The following KHDC1 variants were observed in gnomAD, a reference collection of about 807,000 sequenced individuals.
KHDC1 encodes the protein KH domain containing 1.
KHDC1 carries 21 observed loss-of-function variants against 24.7 expected under a neutral mutation model. The ratio of observed to expected loss-of-function variants is 0.85; its 90% CI spans 0.60 to 1.23. KHDC1 has a LOEUF of 1.23. Ranked by LOEUF, KHDC1 falls within the 50% of genes most tolerant of loss-of-function variation. The probability of loss-of-function intolerance (pLI) is 0.00; values close to 1 mark genes in which losing one functional copy is unlikely to be tolerated. For synonymous variants in KHDC1, 98 were observed against 111.7 expected, an observed-to-expected ratio of 0.88 and a Z score of 0.77; for missense variants, 274 against 298.5, an observed-to-expected ratio of 0.92 and a Z score of 0.61.
chr6:73,294,104 C>T (rs1324354885), intron 1 of KHDC1, among the ~76,000 whole-genome samples: 3 of 150,554 alleles, frequency 2.0e-5, no homozygotes. Flanking sequence ...GGCAACAGAG[C>T]AAGACTGTCT....
chr6:73,263,778 C>T (rs889280081), intron 2 of KHDC1, among the ~76,000 whole-genome samples: 3 of 152,180 alleles, frequency 2.0e-5, no homozygotes, highest in Admixed American at 2.0e-4. Context: ...TTGCTTCCTG[C>T]GGATTCCATT....
intron 2 of KHDC1, among the ~76,000 whole-genome samples, chr6:73,257,415 A>G (rs1214112862): frequency 6.6e-6 from 1 of 152,142 alleles, no homozygotes; most frequent in Non-Finnish European, 1.5e-5. Flanking sequence ...TTGTTTGTTT[A>G]TTTGTTTTGA....
chr6:73,283,958 A>G (rs1767467116), intron 2 of KHDC1, among the ~76,000 whole-genome samples: 1 of 151,860 alleles, frequency 6.6e-6, no homozygotes. Context: ...CTTTGCAAAG[A>G]TTATGACACC....
At chr6:73,283,641 C>CTTTTT (rs35786607) in intron 2 of KHDC1, among the ~76,000 whole-genome samples, 1 of 134,110 alleles carries the variant, frequency 7.5e-6, no homozygotes, top group Non-Finnish European at 1.6e-5. Context: ...GGTTTTCATT[C>CTTTTT]TTTTTTTTTT....
Position 73,262,760 on chromosome 6 carries a change from A to T in KHDC1, c.207-20230T>A. The T allele has an allele frequency of 1.0e-6, 1 of 985,480 alleles. No homozygotes were observed. Among genetic ancestry groups the T allele is most frequent in the Non-Finnish European group, 1.2e-6 (1 of 829,932 alleles). The allele number at this position is 985,480 out of a possible 1,614,324, so 61.0% of individuals were successfully genotyped here. A position where few individuals can be genotyped will look rare whatever the true frequency, so the allele number is the denominator to read the frequency against. On this transcript the variant is annotated intron_variant, in intron 2 of 4. Coordinates refer to ENST00000370384, the Ensembl canonical transcript of KHDC1. ...ACTTAGTAAGAAATGTGCAAGATCT[A>T]GATGAAGACCCACCAGATAGGATGC...
chr6:73,256,239 A>C (rs1766878166), intron 2 of KHDC1, among the ~76,000 whole-genome samples: 2 of 152,218 alleles, frequency 1.3e-5, no homozygotes, highest in Admixed American at 1.3e-4. Flanking sequence ...CTTAGTGCCT[A>C]CTATTCGGCA....
At chr6:73,295,626 A>T (rs192317377) in intron 1 of KHDC1, among the ~76,000 whole-genome samples, 27 of 152,004 alleles carry the variant, frequency 1.8e-4, no homozygotes, top group African/African-American at 6.5e-4. Context: ...CGGGCGGATT[A>T]CCTGAGGTCA....
chr6:73,271,111 C>T (rs1252076197), intron 2 of KHDC1, among the ~76,000 whole-genome samples: 1 of 152,114 alleles, frequency 6.6e-6, no homozygotes, highest in Non-Finnish European at 1.5e-5. Flanking sequence ...CTTAGTCGGT[C>T]ACAATCAATA....
intron 2 of KHDC1, among the ~76,000 whole-genome samples, chr6:73,280,065 T>C (rs1333185831): frequency 6.6e-6 from 1 of 152,222 alleles, no homozygotes; most frequent in Non-Finnish European, 1.5e-5. Context: ...GTTAGAGAAA[T>C]GTGATAGCCA....
chr6:73,267,493 AAAAAG>A (rs1417908833), intron 2 of KHDC1, among the ~76,000 whole-genome samples: 8 of 152,296 alleles, frequency 5.3e-5, no homozygotes, highest in African/African-American at 7.2e-5. Context: ...AAAAAAAAGA[AAAAAG>A]AAAAGAAAAA....
At chr6:73,263,346 G>A (rs1767022528) in intron 2 of KHDC1, 150 bp from the exon 1 acceptor site, 2 of 921,380 alleles carry the variant, frequency 2.2e-6, no homozygotes, top group African/African-American at 3.6e-5. Flanking sequence ...GCAAGGGTGG[G>A]AGGAGGGACG....
chr6:73,287,109 T>C (rs1316421246), intron 2 of KHDC1, among the ~76,000 whole-genome samples: 2 of 151,932 alleles, frequency 1.3e-5, no homozygotes, highest in Non-Finnish European at 2.9e-5. Flanking sequence ...AGTTGGAAAA[T>C]CCACAAGAGG....
At chr6:73,259,279 G>GTTTTTT (rs1214004322) in intron 2 of KHDC1, among the ~76,000 whole-genome samples, 2 of 107,496 alleles carry the variant, frequency 1.9e-5, no homozygotes, top group African/African-American at 8.8e-5. Flanking sequence ...AATCCAATAT[G>GTTTTTT]CTTTTTTTTT....
chr6:73,300,891 ATGAAT>A (rs1767862326), intron 1 of KHDC1: 1 of 152,206 alleles, frequency 6.6e-6, no homozygotes, highest in East Asian at 1.9e-4. Context: ...TACGTGTCCA[ATGAAT>A]TCAAACAAAA....
intron 2 of KHDC1, among the ~76,000 whole-genome samples, chr6:73,288,294 A>T (rs1271716388): frequency 6.6e-6 from 1 of 152,202 alleles, no homozygotes; most frequent in Non-Finnish European, 1.5e-5. Flanking sequence ...AGAAGTAAGT[A>T]TTCTCTTCCA....
chr6:73,272,536 G>A (rs570266682), intron 2 of KHDC1, among the ~76,000 whole-genome samples: 1 of 152,130 alleles, frequency 6.6e-6, no homozygotes, highest in African/African-American at 2.4e-5. Context: ...AGCGCTTTGG[G>A]AGGCTGAGGT....
intron 1 of KHDC1, among the ~76,000 whole-genome samples, chr6:73,298,821 T>G (rs1767811309): frequency 6.6e-6 from 1 of 152,100 alleles, no homozygotes; most frequent in Non-Finnish European, 1.5e-5. Flanking sequence ...CACTGCAGCC[T>G]CCAACTACTT....
At chr6:73,285,868 C>CA (rs1459663693) in intron 2 of KHDC1, among the ~76,000 whole-genome samples, 1 of 152,084 alleles carries the variant, frequency 6.6e-6, no homozygotes, top group African/African-American at 2.4e-5. Flanking sequence ...AAGAACTGAT[C>CA]AAAGTTAGCC....
intron 2 of KHDC1, chr6:73,290,624 G>A (rs755045359): frequency 3.9e-6 from 2 of 511,838 alleles, no homozygotes; most frequent in South Asian, 2.9e-5. Flanking sequence ...TGAAAACCCT[G>A]CTGATGTGTC....
Sources: allele counts gnomAD v4.1 joint callset (sites outside exome capture counted in the v4.1 genomes callset), GRCh38; gene constraint gnomAD v4.1.1; transcripts MANE v1.5; gene names NCBI Gene and HGNC (gene_info 2026-07-23, HGNC 2026-07-21).